Variants in PHACTR1 observed in about 807,000 individuals in gnomAD.
PHACTR1 encodes phosphatase and actin regulator 1.
Under a neutral mutation model 69.2 loss-of-function variants are expected in PHACTR1, and 16 were observed. The observed-to-expected ratio is 0.23, with a 90% CI of 0.16 to 0.35. The LOEUF (loss-of-function observed/expected upper bound fraction) is 0.35. PHACTR1 is among the 10% of genes least tolerant of loss of function. The pLI is 1.00. For missense variants in PHACTR1, 510 were observed against 734.7 expected (o/e 0.69, Z 3.54); for synonymous variants, 312 against 284.5 (o/e 1.10, Z -0.97).
rs559270027 is a variant in PHACTR1, at chr6:12,880,182, T to G, written c.250+130392T>G. Among the ~76,000 whole-genome samples, 8 of 152,218 alleles carry G rather than the reference T, an allele frequency of 5.3e-5. No homozygotes were observed. The South Asian group carries it at 1.5e-3, about 28-fold the overall frequency. On this transcript the variant is annotated intron_variant, in intron 4 of 14. Transcript: ENST00000332995. The stretch of plus-strand genomic sequence containing the variant: ...ATCGCATGCCAATTCAGGGACAGAT[T>G]TGGAGATTCATACTCTCAGATTGTC...
At chr6:12,721,997 G>T (rs1052519368) in intron 3 of PHACTR1, among the ~76,000 whole-genome samples, 3 of 152,178 alleles carry the variant, frequency 2.0e-5, no homozygotes, top group South Asian at 4.1e-4. Flanking sequence ...GACAATTAGG[G>T]TCTCATGCTA....
chr6:13,114,943 AG>A (rs1383296694), intron 5 of PHACTR1, among the ~76,000 whole-genome samples: 1 of 152,234 alleles, frequency 6.6e-6, no homozygotes, highest in Admixed American at 6.5e-5. Flanking sequence ...ATATTCTCAC[AG>A]AACTAGTCTT....
intron 4 of PHACTR1, among the ~76,000 whole-genome samples, chr6:12,770,962 A>G (rs1410675419): frequency 6.6e-6 from 1 of 152,208 alleles, no homozygotes; most frequent in Non-Finnish European, 1.5e-5. Context: ...TCGCATGCAC[A>G]CATTGCAAAG....
chr6:13,031,058 C>T (rs1326171285), intron 4 of PHACTR1, among the ~76,000 whole-genome samples: 2 of 152,192 alleles, frequency 1.3e-5, no homozygotes, highest in Non-Finnish European at 2.9e-5. Context: ...CCAAATGTCT[C>T]ATGGGAGGCA....
At chr6:12,894,787 G>C (rs1466318806) in intron 4 of PHACTR1, among the ~76,000 whole-genome samples, 1 of 151,796 alleles carries the variant, frequency 6.6e-6, no homozygotes, top group Admixed American at 6.6e-5. Flanking sequence ...AATTACATGA[G>C]GAATAAAAGC....
chr6:12,771,779 C>A (rs1769419335), intron 4 of PHACTR1, among the ~76,000 whole-genome samples: 1 of 152,132 alleles, frequency 6.6e-6, no homozygotes, highest in Non-Finnish European at 1.5e-5. Flanking sequence ...TGGGATCAGA[C>A]TCCCATGGAA....
intron 5 of PHACTR1, among the ~76,000 whole-genome samples, chr6:13,129,508 A>C (rs898237671): frequency 2.0e-5 from 3 of 152,186 alleles, no homozygotes; most frequent in Non-Finnish European, 4.4e-5. Context: ...AGGAGTAGCT[A>C]TTCTTGTATC....
intron 4 of PHACTR1, among the ~76,000 whole-genome samples, chr6:12,805,450 A>G (rs1774192518): frequency 6.6e-6 from 1 of 152,012 alleles, no homozygotes; most frequent in South Asian, 2.1e-4. Flanking sequence ...AGCAGCCTCC[A>G]CTTAGTCACC....
chr6:12,952,276 G>C (rs988361357), intron 4 of PHACTR1, among the ~76,000 whole-genome samples: 2 of 152,142 alleles, frequency 1.3e-5, no homozygotes, highest in Admixed American at 1.3e-4. Context: ...TTCACTCTTG[G>C]TGCTGAACAT....
intron 5 of PHACTR1, among the ~76,000 whole-genome samples, chr6:13,155,597 G>A (rs1758054981): frequency 6.6e-6 from 1 of 151,988 alleles, no homozygotes. Flanking sequence ...GGTAAGAAGA[G>A]AAGAGTTCCT....
chr6:13,002,851 T>G (rs1798260774), intron 4 of PHACTR1, among the ~76,000 whole-genome samples: 1 of 152,224 alleles, frequency 6.6e-6, no homozygotes, highest in African/African-American at 2.4e-5. Context: ...GTAAGTCACA[T>G]GCATTAATGC....
At chr6:13,187,359 A>G (rs1171178042) in intron 7 of PHACTR1, among the ~76,000 whole-genome samples, 1 of 152,206 alleles carries the variant, frequency 6.6e-6, no homozygotes. Flanking sequence ...CTTTTCAAGC[A>G]TGAAGGACAT....
At chr6:13,135,389 TTGTACACC>T (rs1458707435) in intron 5 of PHACTR1, among the ~76,000 whole-genome samples, 1 of 152,178 alleles carries the variant, frequency 6.6e-6, no homozygotes, top group East Asian at 1.9e-4. Flanking sequence ...CTGTTAGACA[TTGTACACC>T]TGCCCTGCAC....
intron 10 of PHACTR1, among the ~76,000 whole-genome samples, chr6:13,247,364 T>TGTGTGTGAGA (rs1554171040): frequency 2.7e-5 from 4 of 149,960 alleles, no homozygotes; most frequent in African/African-American, 9.8e-5. Flanking sequence ...TGTGTGTGTG[T>TGTGTGTGAGA]GACGGAGTTT....
chr6:12,824,419 T>C (rs1048646499), intron 4 of PHACTR1, among the ~76,000 whole-genome samples: 2 of 152,158 alleles, frequency 1.3e-5, no homozygotes, highest in African/African-American at 4.8e-5. Flanking sequence ...CCTACCCTGG[T>C]CCGTGGAAAA....
intron 4 of PHACTR1, among the ~76,000 whole-genome samples, chr6:12,798,337 G>T (rs1773323284): frequency 6.6e-6 from 1 of 152,184 alleles, no homozygotes; most frequent in Admixed American, 6.5e-5. Context: ...TGATAGAATA[G>T]TGTAGATGAA....
At chr6:13,003,445 C>T (rs1297988386) in intron 4 of PHACTR1, among the ~76,000 whole-genome samples, 1 of 151,854 alleles carries the variant, frequency 6.6e-6, no homozygotes, top group Non-Finnish European at 1.5e-5. Context: ...TAAAAATAAT[C>T]TATAAATTGA....
chr6:13,116,147 C>T (rs1487130752), intron 5 of PHACTR1, among the ~76,000 whole-genome samples: 1 of 152,172 alleles, frequency 6.6e-6, no homozygotes, highest in Non-Finnish European at 1.5e-5. Flanking sequence ...ATCATTATGG[C>T]TCCAGTTCTC....
chr6:13,137,982 G>T (rs1283709340), intron 5 of PHACTR1, among the ~76,000 whole-genome samples: 1 of 152,216 alleles, frequency 6.6e-6, no homozygotes, highest in Non-Finnish European at 1.5e-5. Context: ...CATTGTCAAA[G>T]AGAAAGAAAG....
Sources: allele counts gnomAD v4.1 joint callset (sites outside exome capture counted in the v4.1 genomes callset), GRCh38; gene constraint gnomAD v4.1.1; transcripts MANE v1.5; gene names NCBI Gene and HGNC (gene_info 2026-07-23, HGNC 2026-07-21).